Variants in ROBO2 observed in about 807,000 individuals in gnomAD.
The protein encoded by ROBO2 is roundabout guidance receptor 2.
Under a neutral mutation model 160.8 loss-of-function variants are expected in ROBO2, and 53 were observed. That is an observed-to-expected ratio of 0.33 (90% CI 0.26 to 0.41). The LOEUF is 0.41. Ranked by LOEUF, ROBO2 falls within the 10% of genes least tolerant of loss-of-function variation. The pLI, the probability that ROBO2 is intolerant of heterozygous loss-of-function variation, is 1.00. For synonymous variants in ROBO2, 664 were observed against 611.7 expected (o/e 1.09, Z -1.26); for missense variants, 1,577 against 1,722.4 (o/e 0.92, Z 1.49).
intron 2 of ROBO2, among the ~76,000 whole-genome samples, chr3:76,834,185 CTCTCTT>C (rs1273708239): frequency 2.1e-5 from 3 of 142,268 alleles, no homozygotes; most frequent in African/African-American, 7.9e-5. Context: ...CTCTCTCTCT[CTCTCTT>C]TCTTTCTTTC....
intron 2 of ROBO2, among the ~76,000 whole-genome samples, chr3:76,058,373 C>T (rs1366798864): frequency 6.6e-6 from 1 of 151,868 alleles, no homozygotes; most frequent in Non-Finnish European, 1.5e-5. Flanking sequence ...CTGTAAAGAA[C>T]ATTTTTAAAA....
In ROBO2 at chr3:76,122,954, A is replaced by G. The variant is rs939369732; in HGVS notation, c.109+185352A>G. On this transcript the variant is annotated intron_variant, in intron 2 of 26. Transcript: ENST00000487694. ...AGTAGAGACGGGGTTTCACCGTGTT[A>G]GCCAGGTTGGTCTTGATCTCCTGAC... is the stretch of plus-strand genomic sequence containing the variant. 4.6e-5 allele frequency among the ~76,000 whole-genome samples: 7 copies of G among 152,176 alleles called. No homozygotes were observed. The South Asian group carries it at 1.0e-3, about 23-fold the overall frequency.
chr3:76,940,083 A>C (rs548942367), intron 2 of ROBO2, among the ~76,000 whole-genome samples: 1 of 145,438 alleles, frequency 6.9e-6, no homozygotes, highest in Non-Finnish European at 1.5e-5. Flanking sequence ...CCGGGTTCAC[A>C]CCATTCTCCT....
intron 2 of ROBO2, among the ~76,000 whole-genome samples, chr3:76,769,477 C>G (rs1467138238): frequency 6.6e-6 from 1 of 151,278 alleles, no homozygotes; most frequent in Non-Finnish European, 1.5e-5. Flanking sequence ...TCTGCATTGA[C>G]CTATTCTGTA....
intron 2 of ROBO2, among the ~76,000 whole-genome samples, chr3:76,670,319 AG>A (rs1454647596): frequency 8.6e-6 from 1 of 115,688 alleles, no homozygotes; most frequent in East Asian, 2.3e-4. Context: ...ATCCTGTAGT[AG>A]GTTTTTTTTT....
chr3:76,640,568 A>AATAAATAC (rs1177893171), intron 2 of ROBO2, among the ~76,000 whole-genome samples: 1 of 86,552 alleles, frequency 1.2e-5, no homozygotes, highest in Non-Finnish European at 2.6e-5. Context: ...TAAATAAATA[A>AATAAATAC]ATAAATATCA....
intron 2 of ROBO2, among the ~76,000 whole-genome samples, chr3:76,792,779 A>T (rs570596188): frequency 5.1e-4 from 77 of 151,870 alleles, no homozygotes; most frequent in African/African-American, 1.8e-3. Flanking sequence ...TGTCAACCCA[A>T]ACTTTTTTTC....
intron 2 of ROBO2, among the ~76,000 whole-genome samples, chr3:76,748,614 A>C (rs1326005590): frequency 2.0e-5 from 3 of 151,812 alleles, no homozygotes; most frequent in Admixed American, 2.0e-4. Flanking sequence ...AATTTAATTT[A>C]AATGGGACTT....
intron 2 of ROBO2, among the ~76,000 whole-genome samples, chr3:77,166,285 AAAAG>A (rs1380064806): frequency 3.3e-5 from 5 of 152,140 alleles, no homozygotes; most frequent in South Asian, 2.1e-4. Flanking sequence ...AAAAAAAGAA[AAAAG>A]AAAGAAACAT....
At chr3:76,322,840 C>T (rs1188759277) in intron 2 of ROBO2, among the ~76,000 whole-genome samples, 1 of 152,100 alleles carries the variant, frequency 6.6e-6, no homozygotes, top group Non-Finnish European at 1.5e-5. Context: ...CTTGCAGATA[C>T]ATTTAAAGGC....
chr3:77,278,952 T>A (rs1365729125), intron 2 of ROBO2, among the ~76,000 whole-genome samples: 1 of 152,144 alleles, frequency 6.6e-6, no homozygotes, highest in African/African-American at 2.4e-5. Context: ...AGTTAACCGC[T>A]TACTAAATCA....
In ROBO2 at chr3:77,410,730, T is replaced by TTTTC. The variant is rs1560759050; in HGVS notation, c.389-66684_389-66683insTTTC. Among the ~76,000 whole-genome samples, 59 of 143,244 alleles carry TTTTC rather than the reference T, an allele frequency of 4.1e-4. 1 individual carries two copies. The highest frequency in any genetic ancestry group is 1.3e-3 in the African/African-American group (50 of 38,522). 94.0% of individuals were successfully genotyped at this position (143,244 alleles called of 152,430 possible). ...CTCCTCCTCCTCTTCCTCCTCCTCC[T>TTTTC]CTTCCTCCTCCTTTTCCTCCTCCTC... On this transcript the variant is annotated intron_variant, in intron 2 of 25. Transcript: ENST00000461745.
chr3:76,767,508 A>C (rs1157053835), intron 2 of ROBO2, among the ~76,000 whole-genome samples: 1 of 151,634 alleles, frequency 6.6e-6, no homozygotes, highest in African/African-American at 2.4e-5. Flanking sequence ...ATTGTGTTTA[A>C]GGAAATAGAA....
chr3:76,459,041 G>C (rs1188021526), intron 2 of ROBO2, among the ~76,000 whole-genome samples: 2 of 152,126 alleles, frequency 1.3e-5, no homozygotes, highest in African/African-American at 4.8e-5. Flanking sequence ...CTGTGTTAGA[G>C]CTCAAAATGT....
At chr3:75,926,451 T>C (rs1947296285) in intron 1 of ROBO2, among the ~76,000 whole-genome samples, 2 of 152,212 alleles carry the variant, frequency 1.3e-5, no homozygotes, top group African/African-American at 4.8e-5. Context: ...TTAGTGCCAT[T>C]AGATTCACAA....
intron 2 of ROBO2, among the ~76,000 whole-genome samples, chr3:76,155,708 T>C (rs978214979): frequency 1.3e-5 from 2 of 152,322 alleles, no homozygotes; most frequent in South Asian, 2.1e-4. Flanking sequence ...AAGCCATGTG[T>C]ATTTTTTTGG....
chr3:76,426,371 T>C (rs1023002973), intron 2 of ROBO2, among the ~76,000 whole-genome samples: 5 of 152,048 alleles, frequency 3.3e-5, no homozygotes, highest in Non-Finnish European at 5.9e-5. Flanking sequence ...CCAGGGAATA[T>C]TGAGGAGCCT....
intron 2 of ROBO2, among the ~76,000 whole-genome samples, chr3:76,369,071 C>T (rs1196086285): frequency 6.6e-6 from 1 of 151,964 alleles, no homozygotes; most frequent in African/African-American, 2.4e-5. Flanking sequence ...AAACTTCTCA[C>T]TAGAGTACTA....
At chr3:77,042,495 G>A (rs1031686100) in intron 1 of ROBO2, among the ~76,000 whole-genome samples, 1 of 152,136 alleles carries the variant, frequency 6.6e-6, no homozygotes, top group Non-Finnish European at 1.5e-5. Flanking sequence ...TTATATAAGC[G>A]TTTTTAAATC....
Sources: gnomAD v4.1 joint callset for allele counts (sites outside exome capture counted in the v4.1 genomes callset) on GRCh38, gnomAD v4.1.1 for gene constraint, MANE v1.5 for transcripts, NCBI Gene and HGNC (gene_info 2026-07-23, HGNC 2026-07-21) for gene names.